Variants in UBE3C observed in about 807,000 individuals in gnomAD.
UBE3C encodes ubiquitin protein ligase E3C.
Under a neutral mutation model 129.4 loss-of-function variants are expected in UBE3C, and 42 were observed. The observed-to-expected ratio is 0.32, with a 90% CI of 0.25 to 0.42. UBE3C has a LOEUF of 0.42. Ranked by LOEUF, UBE3C falls within the 10% of genes least tolerant of loss-of-function variation. UBE3C has a pLI of 1.00. For synonymous variants in UBE3C, 510 were observed against 492.4 expected, an observed-to-expected ratio of 1.04 and a Z score of -0.47; for missense variants, 1,049 against 1,319.1, an observed-to-expected ratio of 0.80 and a Z score of 3.17.
chr7:157,179,748 C>T (rs545227477), intron 6 of UBE3C, among the ~76,000 whole-genome samples: 7 of 152,194 alleles, frequency 4.6e-5, no homozygotes, highest in African/African-American at 1.2e-4. Context: ...TTACATCTAA[C>T]GGACTTGAAG....
At chr7:157,178,930 G>A (rs1187939830) in intron 6 of UBE3C, 83 bp downstream of exon 6, 1 of 1,531,064 alleles carries the variant, frequency 6.5e-7, no homozygotes, top group East Asian at 2.3e-5. Flanking sequence ...GTGAGCCTGT[G>A]CCCTCAGTCT....
intron 1 of UBE3C, among the ~76,000 whole-genome samples, chr7:157,162,643 G>A (rs1209937933): frequency 1.3e-5 from 2 of 151,220 alleles, no homozygotes; most frequent in African/African-American, 4.9e-5. Flanking sequence ...GGGCCTAAGT[G>A]ATCCTCCCAC....
intron 1 of UBE3C, among the ~76,000 whole-genome samples, chr7:157,158,780 G>A (rs115391536): frequency 3.5e-3 from 528 of 152,190 alleles, no homozygotes; most frequent in African/African-American, 0.012. Flanking sequence ...TTTCTAGCTC[G>A]TCAATTAGAA....
At chr7:157,169,182 G>T (rs560495541) in intron 3 of UBE3C, 60 bp downstream of exon 3, 5 of 1,340,916 alleles carry the variant, frequency 3.7e-6, no homozygotes, top group African/African-American at 1.4e-5. Context: ...TTTAAATATG[G>T]TATCTTTGTA....
chr7:157,207,315 G>C (rs893785429), intron 11 of UBE3C, 83 bp from the exon 12 acceptor site: 13 of 1,529,550 alleles, frequency 8.5e-6, no homozygotes, highest in Middle Eastern at 1.7e-4. Flanking sequence ...GATTATATTT[G>C]TTTGATGTTA....
chr7:157,169,134 T>G lies in UBE3C; in HGVS notation c.195+12T>G. ...ACAGAAAACAGCAAGTAAGTTTGTTTTAAAATGAGGAGATTAGTAGGGCAT... is the reference window on the plus strand; with the variant it reads ...ACAGAAAACAGCAAGTAAGTTTGTTGTAAAATGAGGAGATTAGTAGGGCAT... On this transcript the variant is annotated intron_variant, in intron 3 of 22. Coordinates refer to ENST00000348165, the MANE Select transcript of UBE3C (RefSeq NM_014671.3). 6.2e-7 allele frequency: 1 copy of G among 1,609,616 alleles called. No homozygotes were observed. Among genetic ancestry groups the G allele is most frequent in the Non-Finnish European group, 8.5e-7 (1 of 1,176,590 alleles).
At chr7:157,204,848 T>G (rs938952315) in intron 11 of UBE3C, among the ~76,000 whole-genome samples, 2 of 152,236 alleles carry the variant, frequency 1.3e-5, no homozygotes, top group Non-Finnish European at 2.9e-5. Flanking sequence ...TACAGTAGTA[T>G]TCTGAAAACC....
At chr7:157,216,222 A>C (rs1795564257) in intron 13 of UBE3C, among the ~76,000 whole-genome samples, 1 of 152,122 alleles carries the variant, frequency 6.6e-6, no homozygotes, top group Admixed American at 6.5e-5. Context: ...TTTTTCCCCT[A>C]GTGCCGTTAG....
intron 11 of UBE3C, among the ~76,000 whole-genome samples, chr7:157,202,098 A>G (rs1015748058): frequency 2.0e-5 from 3 of 151,344 alleles, no homozygotes; most frequent in East Asian, 3.8e-4. Flanking sequence ...GCTTTGCTCC[A>G]TATGACTTTA....
intron 1 of UBE3C, among the ~76,000 whole-genome samples, chr7:157,153,886 G>A (rs1046900460): frequency 6.6e-6 from 1 of 152,054 alleles, no homozygotes; most frequent in Non-Finnish European, 1.5e-5. Flanking sequence ...TCAGTTACTC[G>A]GGAGGCTGAG....
Position 157,267,782 on chromosome 7 carries a change from A to G in UBE3C, c.*27A>G. 3.2e-6 allele frequency: 5 copies of G among 1,548,450 alleles called. No individual in the cohort carries two copies. Among genetic ancestry groups the G allele is most frequent in the African/African-American group, 1.4e-5 (1 of 72,034 alleles). On this transcript the variant is annotated 3_prime_UTR_variant, in exon 23 of 23. Coordinates refer to ENST00000348165, the MANE Select transcript of UBE3C (RefSeq NM_014671.3). ...GCTGATGCTGGGGTCAGACCCCTAC[A>G]GAGAACCAGTGCTTCCTTCGTCAGC... is the stretch of plus-strand genomic sequence containing the variant.
At chr7:157,194,246 A>G (rs951608655) in intron 10 of UBE3C, among the ~76,000 whole-genome samples, 8 of 152,184 alleles carry the variant, frequency 5.3e-5, no homozygotes, top group African/African-American at 2.4e-5. Flanking sequence ...TTGTCTTGAG[A>G]AGAATTCCTC....
intron 11 of UBE3C, among the ~76,000 whole-genome samples, chr7:157,204,624 T>C (rs1809382866): frequency 1.3e-5 from 2 of 152,278 alleles, no homozygotes; most frequent in Non-Finnish European, 2.9e-5. Context: ...AAATAACATC[T>C]TTATTCATTT....
intron 10 of UBE3C, among the ~76,000 whole-genome samples, chr7:157,191,417 G>C (rs1170958302): frequency 6.6e-6 from 1 of 152,156 alleles, no homozygotes; most frequent in African/African-American, 2.4e-5. Context: ...CAGCACCCTT[G>C]AGTAGCTGGG....
intron 1 of UBE3C, among the ~76,000 whole-genome samples, chr7:157,151,042 G>A (rs1807743830): frequency 6.6e-6 from 1 of 152,226 alleles, no homozygotes; most frequent in African/African-American, 2.4e-5. Context: ...TGAGCAGACA[G>A]AGCAGGGAGG....
chr7:157,164,635 A>G, intron 2 of UBE3C: 1 of 350,902 alleles, frequency 2.8e-6, no homozygotes, highest in Non-Finnish European at 5.6e-6. Flanking sequence ...CAATTGTACT[A>G]TCTTATGACC....
intron 15 of UBE3C, chr7:157,222,826 G>A: frequency 5.6e-6 from 1 of 178,218 alleles, no homozygotes; most frequent in Non-Finnish European, 1.2e-5. Context: ...CTTCTCCCAG[G>A]CACCATCTCA....
intron 10 of UBE3C, among the ~76,000 whole-genome samples, chr7:157,195,318 A>G (rs1809087878): frequency 6.6e-6 from 1 of 152,246 alleles, no homozygotes; most frequent in African/African-American, 2.4e-5. Context: ...AAACACCACT[A>G]TTTTTAACAG....
At chr7:157,200,230 T>A (rs60687230) in intron 10 of UBE3C, among the ~76,000 whole-genome samples, 19,822 of 152,196 alleles carry the variant, frequency 0.13, 3,699 homozygotes, top group African/African-American at 0.42. Flanking sequence ...TGCTCTTTCA[T>A]GCTTTTACTG....
Sources: allele counts gnomAD v4.1 joint callset (sites outside exome capture counted in the v4.1 genomes callset), GRCh38; gene constraint gnomAD v4.1.1; transcripts MANE v1.5; gene names NCBI Gene and HGNC (gene_info 2026-07-23, HGNC 2026-07-21).